PEAK1: variants seen among roughly 807,000 people sequenced by gnomAD.
The protein encoded by PEAK1 is inactive tyrosine-protein kinase PEAK1.
A neutral mutation model predicts 124.7 loss-of-function variants in PEAK1; 54 were observed. The ratio of observed to expected loss-of-function variants is 0.43; its 90% confidence interval spans 0.35 to 0.54. PEAK1 has a LOEUF of 0.54. PEAK1 is among the 20% of genes least tolerant of loss of function. The pLI, the probability that PEAK1 is intolerant of heterozygous loss-of-function variation, is 0.01. For missense variants in PEAK1, 2,046 were observed against 2,134.5 expected, an observed-to-expected ratio of 0.96 and a Z score of 0.82; for synonymous variants, 719 against 760.0, an observed-to-expected ratio of 0.95 and a Z score of 0.89.
chr15:77,218,916 T>C (rs1174318186), intron 6 of PEAK1, among the ~76,000 whole-genome samples: 1 of 152,054 alleles, frequency 6.6e-6, no homozygotes, highest in African/African-American at 2.4e-5. Flanking sequence ...AGGAATGACA[T>C]ACTAAACTGC....
At chr15:77,184,424 T>C (rs1373670937) in intron 6 of PEAK1, among the ~76,000 whole-genome samples, 1 of 152,034 alleles carries the variant, frequency 6.6e-6, no homozygotes, top group Non-Finnish European at 1.5e-5. Context: ...TCTTATAGAG[T>C]TAATCATAAA....
At chr15:77,102,578 T>C (rs891063841) in exon 7 of PEAK1, 1 of 152,242 alleles carries the variant, frequency 6.6e-6, no homozygotes, top group African/African-American at 2.4e-5. Flanking sequence ...TATTAGCTTA[T>C]AGTATGAAGA....
rs1451179701 is a variant in PEAK1, at chr15:77,318,651, A to G, written c.-602-32147T>C. Among the ~76,000 whole-genome samples, 7 of 152,012 alleles carry G rather than the reference A, an allele frequency of 4.6e-5. No homozygotes were observed. The East Asian group carries it at 1.3e-3, about 29-fold the overall frequency. On this transcript the variant is annotated intron_variant, in intron 2 of 9. Transcript: ENST00000682557. The stretch of plus-strand genomic sequence containing the variant: ...ATTTATAAGTTATAATTTATTAGTC[A>G]TAAATTATAAATTAATGTATAACTT...
At chr15:77,387,904 G>A (rs867485343) in intron 1 of PEAK1, among the ~76,000 whole-genome samples, 21 of 152,198 alleles carry the variant, frequency 1.4e-4, no homozygotes, top group African/African-American at 4.1e-4. Flanking sequence ...CCAACTATGT[G>A]GATGGCAGCC....
chr15:77,202,915 T>G (rs531245150), intron 6 of PEAK1, among the ~76,000 whole-genome samples: 56 of 151,824 alleles, frequency 3.7e-4, no homozygotes, highest in African/African-American at 1.3e-3. Flanking sequence ...TGCGCACCTG[T>G]AGTCCCAGCT....
intron 2 of PEAK1, among the ~76,000 whole-genome samples, chr15:77,286,887 C>T (rs564739477): frequency 6.6e-6 from 1 of 152,084 alleles, no homozygotes; most frequent in Non-Finnish European, 1.5e-5. Context: ...AGTTCTTAAC[C>T]TTTTGGGTGG....
chr15:77,196,222 A>C (rs1406029519), intron 6 of PEAK1, among the ~76,000 whole-genome samples: 2 of 152,206 alleles, frequency 1.3e-5, no homozygotes, highest in Non-Finnish European at 2.9e-5. Flanking sequence ...CTGCTAGCTG[A>C]AGGAATAAAA....
chr15:77,181,829 G>A lies in PEAK1; in HGVS notation c.98C>T (p.Pro33Leu). ...PKSLHQLPPD[P>L]EKAPITHGNV... ...GCCATGGGTGATGGGTGCCTTCTCA[G>A]GGTCTGGGGGAAGCTGGTGCAAACT... The change falls in exon 7 of 10, where the codon CCT becomes CTT. Residue 33 changes from proline to leucine, a missense_variant. Coordinates refer to ENST00000682557, the MANE Select transcript of PEAK1 (RefSeq NM_001385026.1). The A allele has an allele frequency of 1.2e-6, 2 of 1,613,916 alleles. No individual in the cohort carries two copies. The highest frequency in any genetic ancestry group is 1.3e-5 in the African/African-American group (1 of 75,032).
At chr15:77,128,532 T>C (rs1213366872) in intron 9 of PEAK1, among the ~76,000 whole-genome samples, 1 of 152,210 alleles carries the variant, frequency 6.6e-6, no homozygotes, top group Admixed American at 6.5e-5. Flanking sequence ...TGCAGAGCCA[T>C]GGTGGTGATG....
At chr15:77,385,012 G>C (rs1442551523) in intron 1 of PEAK1, among the ~76,000 whole-genome samples, 2 of 152,060 alleles carry the variant, frequency 1.3e-5, no homozygotes, top group Non-Finnish European at 2.9e-5. Context: ...GAATTTCTCA[G>C]AGCATATGCA....
At chr15:77,161,435 T>C (rs2055630150) in intron 7 of PEAK1, among the ~76,000 whole-genome samples, 1 of 152,262 alleles carries the variant, frequency 6.6e-6, no homozygotes, top group Non-Finnish European at 1.5e-5. Context: ...TTGGTTTTTA[T>C]GAGCACATTT....
intron 6 of PEAK1, among the ~76,000 whole-genome samples, chr15:77,245,262 G>T (rs2060528072): frequency 6.6e-6 from 1 of 151,822 alleles, no homozygotes; most frequent in South Asian, 2.1e-4. Context: ...GGCTGAGGTG[G>T]GAGGATCACC....
intron 6 of PEAK1, among the ~76,000 whole-genome samples, chr15:77,246,017 T>C (rs2060566963): frequency 6.6e-6 from 1 of 151,990 alleles, no homozygotes; most frequent in Non-Finnish European, 1.5e-5. Context: ...GCTAGACTTT[T>C]TTTTTTTTTT....
intron 2 of PEAK1, among the ~76,000 whole-genome samples, chr15:77,360,218 C>T (rs1010060375): frequency 6.6e-6 from 1 of 152,120 alleles, no homozygotes; most frequent in Non-Finnish European, 1.5e-5. Context: ...CCCTACATTA[C>T]ACCATTTATA....
chr15:77,263,003 A>G (rs1332057354), intron 5 of PEAK1, among the ~76,000 whole-genome samples: 2 of 152,230 alleles, frequency 1.3e-5, no homozygotes, highest in African/African-American at 4.8e-5. Flanking sequence ...CTGAATGACT[A>G]CTGGGTACAT....
rs373792910 is a variant in PEAK1 at position 77,165,869 on chromosome 15, GT to G, written c.3138-7174del. 4.7e-3 allele frequency among the ~76,000 whole-genome samples: 711 copies of G among 152,252 alleles called. 4 individuals are homozygous for G. The highest frequency in any genetic ancestry group is 0.016 in the African/African-American group (660 of 41,534). On this transcript the variant is annotated intron_variant, in intron 7 of 9. Coordinates refer to ENST00000682557, the MANE Select transcript of PEAK1 (RefSeq NM_001385026.1). ...AAATCAATTGCCTAAAATTACATGG[GT>G]AGTAAGGTGGTGGTAGAGTTGGGAT...
chr15:77,390,515 G>A (rs2070366949), intron 1 of PEAK1, among the ~76,000 whole-genome samples: 1 of 152,180 alleles, frequency 6.6e-6, no homozygotes. Context: ...GTAGGCCTCT[G>A]TAAAACTCCC....
At chr15:77,254,321 T>C (rs914686297) in intron 5 of PEAK1, among the ~76,000 whole-genome samples, 6 of 152,234 alleles carry the variant, frequency 3.9e-5, no homozygotes, top group Non-Finnish European at 8.8e-5. Context: ...TACATAAGTT[T>C]GACTGCTTAT....
At chr15:77,218,898 G>A (rs1401794616) in intron 6 of PEAK1, among the ~76,000 whole-genome samples, 1 of 152,108 alleles carries the variant, frequency 6.6e-6, no homozygotes, top group Non-Finnish European at 1.5e-5. Flanking sequence ...TGGGGGTGGT[G>A]TGGAGAAAGG....
Sources: allele counts gnomAD v4.1 joint callset (sites outside exome capture counted in the v4.1 genomes callset), GRCh38; gene constraint gnomAD v4.1.1; transcripts MANE v1.5; gene names NCBI Gene and HGNC (gene_info 2026-07-23, HGNC 2026-07-21).